The following DLG2 variants were observed in gnomAD, a reference collection of about 807,000 sequenced individuals.
DLG2 encodes disks large homolog 2.
A neutral mutation model predicts 132.5 loss-of-function variants in DLG2; 45 were observed. The ratio of observed to expected loss-of-function variants is 0.34; its 90% CI spans 0.27 to 0.44. DLG2 has a LOEUF of 0.44. Ranked by LOEUF, DLG2 falls within the 20% of genes least tolerant of loss-of-function variation. The pLI, the probability that DLG2 is intolerant of heterozygous loss-of-function variation, is 1.00. For synonymous variants in DLG2, 424 were observed against 419.6 expected (o/e 1.01, Z -0.13); for missense variants, 1,045 against 1,196.9 (o/e 0.87, Z 1.87).
At chr11:84,656,872 C>T (rs1191413105) in intron 6 of DLG2, among the ~76,000 whole-genome samples, 3 of 152,088 alleles carry the variant, frequency 2.0e-5, no homozygotes, top group Admixed American at 6.6e-5. Context: ...TAATTCTCTA[C>T]CCCCCAACAA....
At chr11:83,631,715 A>T (rs1455516759) in intron 19 of DLG2, 1 of 152,128 alleles carries the variant, frequency 6.6e-6, no homozygotes, top group Admixed American at 6.6e-5. Context: ...TATGCATTCT[A>T]TCTCTTAATA....
chr11:84,961,338 T>C (rs1444143514), intron 6 of DLG2, among the ~76,000 whole-genome samples: 1 of 151,968 alleles, frequency 6.6e-6, no homozygotes, highest in Admixed American at 6.5e-5. Context: ...ATGAAAGCTA[T>C]TTGTAGCAAA....
chr11:84,206,123 C>T (rs2096661954), intron 8 of DLG2, among the ~76,000 whole-genome samples: 1 of 151,928 alleles, frequency 6.6e-6, no homozygotes, highest in Non-Finnish European at 1.5e-5. Context: ...GTTTCTTTGG[C>T]ATAGAAACTC....
chr11:84,744,571 A>T (rs1597141014), intron 6 of DLG2, among the ~76,000 whole-genome samples: 1 of 152,226 alleles, frequency 6.6e-6, no homozygotes, highest in African/African-American at 2.4e-5. Flanking sequence ...TTCTATAAAA[A>T]TACTAAACAT....
At chr11:83,634,513 G>A (rs1330069440) in intron 18 of DLG2, among the ~76,000 whole-genome samples, 1 of 152,022 alleles carries the variant, frequency 6.6e-6, no homozygotes, top group African/African-American at 2.4e-5. Flanking sequence ...ATTATAAATG[G>A]TTCTTTTAAT....
At chr11:83,612,414 A>T (rs1307884073) in intron 19 of DLG2, among the ~76,000 whole-genome samples, 1 of 152,232 alleles carries the variant, frequency 6.6e-6, no homozygotes, top group African/African-American at 2.4e-5. Context: ...GCATCTGATA[A>T]ATAGTAGGCA....
intron 7 of DLG2, among the ~76,000 whole-genome samples, chr11:84,506,071 G>A (rs79948982): frequency 0.052 from 5,824 of 110,956 alleles, 159 homozygotes; most frequent in South Asian, 0.1. Context: ...TATGACAGAG[G>A]CTCAGTTCTT....
At chr11:83,975,356 A>G (rs58364991) in intron 12 of DLG2, among the ~76,000 whole-genome samples, 1,800 of 152,174 alleles carry the variant, frequency 0.012, 34 homozygotes, top group African/African-American at 0.041. Context: ...ACCATTTAAA[A>G]AACAAAACAA....
Position 84,601,014 on chromosome 11 carries a change from T to C in DLG2, c.358-66283A>G, listed in dbSNP as rs573761221. On this transcript the variant is annotated intron_variant, in intron 6 of 27. Coordinates refer to ENST00000376104, the MANE Select transcript of DLG2 (RefSeq NM_001142699.3). ...TAATTATATTTGACTAATTAAAATATGAACTTTGCTCACTTCATTGTGTTT... is the reference window on the plus strand; with the variant it reads ...TAATTATATTTGACTAATTAAAATACGAACTTTGCTCACTTCATTGTGTTT... 9.8e-5 allele frequency among the ~76,000 whole-genome samples: 15 copies of C among 152,298 alleles called. 1 individual carries two copies. The South Asian group carries it at 3.1e-3, about 32-fold the overall frequency.
intron 15 of DLG2, among the ~76,000 whole-genome samples, chr11:83,907,701 C>A (rs1565592211): frequency 1.3e-5 from 2 of 152,110 alleles, no homozygotes; most frequent in African/African-American, 2.4e-5. Context: ...ATTATTAATT[C>A]TTTCTGACAC....
At chr11:83,769,154 T>C (rs1699617291) in intron 18 of DLG2, among the ~76,000 whole-genome samples, 1 of 152,226 alleles carries the variant, frequency 6.6e-6, no homozygotes, top group Non-Finnish European at 1.5e-5. Context: ...AGTTCATTCC[T>C]TCATAAGTGG....
At chr11:85,546,270 G>A (rs1352654417) in intron 3 of DLG2, among the ~76,000 whole-genome samples, 1 of 152,146 alleles carries the variant, frequency 6.6e-6, no homozygotes, top group Non-Finnish European at 1.5e-5. Context: ...TTCAGAAGTA[G>A]GTTGTTCAGT....
At chr11:84,464,517 G>T (rs1241213740) in intron 7 of DLG2, among the ~76,000 whole-genome samples, 1 of 151,030 alleles carries the variant, frequency 6.6e-6, no homozygotes, top group Non-Finnish European at 1.5e-5. Context: ...GGCTTAAATG[G>T]TTCTATGATT....
chr11:84,952,844 G>A (rs969481830), intron 6 of DLG2, among the ~76,000 whole-genome samples: 10 of 152,304 alleles, frequency 6.6e-5, no homozygotes, highest in African/African-American at 2.4e-4. Context: ...ACCTAAAGAT[G>A]ATTTTTCCAT....
chr11:85,039,768 A>G (rs1212796681), intron 6 of DLG2, among the ~76,000 whole-genome samples: 1 of 151,974 alleles, frequency 6.6e-6, no homozygotes, highest in Non-Finnish European at 1.5e-5. Context: ...TTGATACACT[A>G]TAAGCCCCTT....
chr11:85,343,197 T>C (rs1230250853), intron 3 of DLG2, among the ~76,000 whole-genome samples: 1 of 152,180 alleles, frequency 6.6e-6, no homozygotes, highest in East Asian at 1.9e-4. Flanking sequence ...GGTTATAATA[T>C]CCATTGTGTT....
intron 3 of DLG2, among the ~76,000 whole-genome samples, chr11:85,304,403 C>T (rs898462727): frequency 6.6e-6 from 1 of 152,014 alleles, no homozygotes; most frequent in Non-Finnish European, 1.5e-5. Context: ...AAAGGTAAAT[C>T]CTAGGTTCTG....
At chr11:85,108,876 G>A (rs2072248599) in intron 6 of DLG2, among the ~76,000 whole-genome samples, 1 of 152,044 alleles carries the variant, frequency 6.6e-6, no homozygotes, top group Admixed American at 6.6e-5. Context: ...AGTTATTGAG[G>A]CCATTTCACA....
intron 6 of DLG2, among the ~76,000 whole-genome samples, chr11:84,963,018 T>C (rs1591905923): frequency 6.6e-6 from 1 of 152,182 alleles, no homozygotes; most frequent in African/African-American, 2.4e-5. Context: ...CTAAATATTC[T>C]CTATAGTAAA....
Sources: allele counts gnomAD v4.1 joint callset (sites outside exome capture counted in the v4.1 genomes callset), GRCh38; gene constraint gnomAD v4.1.1; transcripts MANE v1.5; gene names NCBI Gene and HGNC (gene_info 2026-07-23, HGNC 2026-07-21).